Variants in CBLL1 observed in about 807,000 individuals in gnomAD.
The protein encoded by CBLL1 is E3 ubiquitin-protein ligase Hakai.
CBLL1 carries 4 observed loss-of-function variants against 44.9 expected under a neutral mutation model. The observed-to-expected ratio is 0.09, with a 90% CI of 0.04 to 0.20. The LOEUF (loss-of-function observed/expected upper bound fraction) is 0.20, where lower values mean the gene tolerates loss of function less well. CBLL1 is among the 10% of genes least tolerant of loss of function. The pLI is 1.00. For missense variants in CBLL1, 569 were observed against 636.7 expected (o/e 0.89, Z 1.14); for synonymous variants, 235 against 202.2 (o/e 1.16, Z -1.38).
In CBLL1 at chr7:107,753,945, G is replaced by A; in HGVS notation, c.333G>A (p.Lys111=). The A allele has an allele frequency of 6.3e-7, 1 of 1,596,022 alleles. No individual in the cohort carries two copies. The highest frequency in any genetic ancestry group is 8.5e-7 in the Non-Finnish European group (1 of 1,169,992). The change falls in exon 4 of 6, where the codon AAG becomes AAA. Residue 111 remains lysine, a synonymous_variant. Coordinates refer to ENST00000440859, the MANE Select transcript of CBLL1 (RefSeq NM_024814.4). ...ATACACCAGTTCATTTCTGTGACAAGTGTGGATTGCCTATTAAAATCTATG... is the reference window on the plus strand; with the variant it reads ...ATACACCAGTTCATTTCTGTGACAAATGTGGATTGCCTATTAAAATCTATG... ...KDDTPVHFCD[K]CGLPIKIYGR... is the part of the protein sequence containing the mutation.
At position 107,759,270 on chromosome 7, in the gene CBLL1, C is replaced by T; in HGVS notation, c.*92C>T. ...TGACTGTTTTGGGAAGGAAGAGTAC[C>T]TCTTATCGAGGTAGTATAAAACACA... On this transcript the variant is annotated 3_prime_UTR_variant, in exon 6 of 6. Transcript: ENST00000440859. 8.8e-7 allele frequency: 1 copy of T among 1,136,434 alleles called. No homozygotes were observed. Among genetic ancestry groups the T allele is most frequent in the Admixed American group, 2.3e-5 (1 of 43,292 alleles). The allele number at this position is 1,136,434 out of a possible 1,614,324, so 70.4% of individuals were successfully genotyped here. A position where few individuals can be genotyped will look rare whatever the true frequency, so the allele number is the denominator to read the frequency against.
chr7:107,744,448 C>G (rs1792903389), intron 1 of CBLL1: 1 of 424,396 alleles, frequency 2.4e-6, no homozygotes, highest in Non-Finnish European at 4.2e-6. Context: ...GCGATGTAGG[C>G]CTTCGGGAAG....
Position 107,760,971 on chromosome 7 carries a change from T to C in CBLL1, c.*1793T>C, listed in dbSNP as rs1034484014. On this transcript the variant is annotated 3_prime_UTR_variant, in exon 6 of 6. Coordinates refer to ENST00000440859, the MANE Select transcript of CBLL1 (RefSeq NM_024814.4). ...TTGAAAGTCCAGTGTTAATGCAATA[T>C]TTCTAGTGAGAAATGCTTGTTATTA... 6.6e-6 allele frequency: 1 copy of C among 152,236 alleles called. No homozygotes were observed. Among genetic ancestry groups the C allele is most frequent in the Non-Finnish European group, 1.5e-5 (1 of 67,916 alleles). 9.4% of individuals were successfully genotyped at this position (152,236 alleles called of 1,614,324 possible). A position where few individuals can be genotyped will look rare whatever the true frequency, so the allele number is the denominator to read the frequency against.
chr7:107,755,674 A>C (rs983517144), intron 5 of CBLL1, 183 bp downstream of exon 5: 6 of 350,170 alleles, frequency 1.7e-5, no homozygotes, highest in Non-Finnish European at 2.6e-5. Context: ...CAAGGTAGCC[A>C]CTATCAGTCA....
intron 2 of CBLL1, among the ~76,000 whole-genome samples, chr7:107,752,029 C>T (rs562332147): frequency 2.0e-5 from 3 of 151,912 alleles, no homozygotes; most frequent in Non-Finnish European, 2.9e-5. Context: ...GAAACCTCGT[C>T]TCTACTAAAA....
At chr7:107,753,328 A>G in intron 2 of CBLL1, 83 bp from the exon 3 acceptor site, 1 of 796,308 alleles carries the variant, frequency 1.3e-6, no homozygotes, top group African/African-American at 1.8e-5. Flanking sequence ...TTTAGTGAAA[A>G]GGTCTATTTT....
In CBLL1 at chr7:107,758,644, A is replaced by G; in HGVS notation, c.942A>G (p.Ala314=). 6.2e-7 allele frequency: 1 copy of G among 1,613,922 alleles called. No homozygotes were observed. Among genetic ancestry groups the G allele is most frequent in the Non-Finnish European group, 8.5e-7 (1 of 1,179,954 alleles). The change falls in exon 6 of 6, where the codon GCA becomes GCG. Residue 314 remains alanine (A), a synonymous_variant. Transcript: ENST00000440859. The surrounding 1 kb of genome is among the most constrained non-coding windows in gnomAD (Gnocchi z 4.2). ...GAREPPPPAP[A]PAHHHPEYQG... ...GAGAACCACCACCTCCTGCCCCAGC[A>G]CCTGCTCACCATCATCCTGAATATC...
chr7:107,751,361 C>T (rs1344049996), intron 2 of CBLL1, among the ~76,000 whole-genome samples: 3 of 152,118 alleles, frequency 2.0e-5, no homozygotes, highest in Admixed American at 2.0e-4. Context: ...CCTAACAGGC[C>T]AAGGGTACTG....
At chr7:107,744,336 T>A in intron 1 of CBLL1, 160 bp downstream of exon 1, 1 of 887,332 alleles carries the variant, frequency 1.1e-6, no homozygotes, top group Non-Finnish European at 1.6e-6. Flanking sequence ...GGCAGGGGCC[T>A]GCGGTTTCCT....
At chr7:107,751,223 C>G (rs151283953) in intron 2 of CBLL1, among the ~76,000 whole-genome samples, 1 of 152,078 alleles carries the variant, frequency 6.6e-6, no homozygotes, top group Non-Finnish European at 1.5e-5. Flanking sequence ...CTCTCTTGCA[C>G]GGTTCACAAT....
At chr7:107,748,470 C>T (rs1199529526) in intron 1 of CBLL1, among the ~76,000 whole-genome samples, 1 of 152,076 alleles carries the variant, frequency 6.6e-6, no homozygotes, top group Non-Finnish European at 1.5e-5. Flanking sequence ...GCTTGATGAT[C>T]AGACATGGAG....
chr7:107,753,056 A>G (rs985478724), intron 2 of CBLL1, among the ~76,000 whole-genome samples: 7 of 152,240 alleles, frequency 4.6e-5, no homozygotes, highest in Non-Finnish European at 7.3e-5. Context: ...TGCAACAAGC[A>G]TGATCATCAG....
chr7:107,755,366 A>T (rs1342372220), intron 4 of CBLL1, 52 bp from the exon 5 acceptor site: 13 of 989,680 alleles, frequency 1.3e-5, no homozygotes, highest in South Asian at 9.4e-5. Context: ...TATATATTTT[A>T]AAAATATTAT....
At chr7:107,744,534 C>T (rs540492521) in intron 1 of CBLL1, 296 of 296,976 alleles carry the variant, frequency 1.0e-3, no homozygotes, top group Non-Finnish European at 1.4e-3. Context: ...AGATTGCGGT[C>T]TCCGAGTCGC....
At position 107,758,139 on chromosome 7, in the gene CBLL1, T is replaced by G. The variant is rs757242391; in HGVS notation, c.441-4T>G. 11 of 1,559,400 alleles carry G rather than the reference T, an allele frequency of 7.1e-6. No individual in the cohort carries two copies. In the East Asian group the frequency reaches 2.5e-4, roughly 35 times the overall value. ...AAATCACATTTCTTTCCCTTCTAAT[T>G]TAGCTGTAGTGATCCTGTGCAGCGA... On this transcript the variant is annotated splice_region_variant and splice_polypyrimidine_tract_variant and intron_variant, in intron 5 of 5. Transcript: ENST00000440859. This position sits in a 1 kb window ranked among gnomAD's most constrained non-coding sequence, Gnocchi z 4.2.
intron 5 of CBLL1, 175 bp downstream of exon 5, chr7:107,755,666 AGGTAG>A: frequency 2.8e-6 from 1 of 363,608 alleles, no homozygotes; most frequent in Non-Finnish European, 5.1e-6. Flanking sequence ...ATATAGGGCA[AGGTAG>A]CCACTATCAG....
At chr7:107,750,333 T>C (rs963696674) in intron 2 of CBLL1, among the ~76,000 whole-genome samples, 2 of 151,456 alleles carry the variant, frequency 1.3e-5, no homozygotes, top group Non-Finnish European at 2.9e-5. Context: ...TGAGACAGAG[T>C]CTTGCGCTGT....
rs758472832 is a variant in CBLL1 at position 107,758,863 on chromosome 7, C to T, written c.1161C>T (p.Pro387=). ...MTSAPPPITP[P]PGHIIAQMPP... ...CTGCTCCACCACCAATAACCCCTCC[C>T]CCTGGACATATTATTGCCCAGATGC... Residue 387 remains proline, a synonymous_variant, in exon 6 of 6, where the codon CCC becomes CCT. Transcript: ENST00000440859. The surrounding 1 kb of genome is among the most constrained non-coding windows in gnomAD (Gnocchi z 4.2). 1.2e-6 allele frequency: 2 copies of T among 1,614,032 alleles called. No individual in the cohort carries two copies. The highest frequency in any genetic ancestry group is 8.5e-7 in the Non-Finnish European group (1 of 1,179,984).
intron 1 of CBLL1, 189 bp downstream of exon 1, chr7:107,744,365 G>A (rs1244121147): frequency 1.2e-5 from 8 of 654,642 alleles, no homozygotes; most frequent in Non-Finnish European, 1.9e-5. Flanking sequence ...GTCTGGTGTG[G>A]TACCTACCTC....
Sources: gnomAD v4.1 joint callset for allele counts (sites outside exome capture counted in the v4.1 genomes callset) on GRCh38, gnomAD v4.1.1 for gene constraint, Gnocchi (gnomAD v3.1) non-coding constraint, MANE v1.5 for transcripts, NCBI Gene and HGNC (gene_info 2026-07-23, HGNC 2026-07-21) for gene names.